Variants in QTMAN observed in about 807,000 individuals in gnomAD.
QTMAN encodes queuosine-tRNA mannosyltransferase, also known as tRNA-queuosine alpha-mannosyltransferase.
the QTMAN span, among the ~76,000 whole-genome samples, chr2:144,302,143 G>A: frequency 3.3e-5 from 5 of 151,660 alleles, no homozygotes; most frequent in African/African-American, 1.2e-4. Context: ...CCACACTTAG[G>A]GCATACAGAA....
At chr2:144,051,251 C>T in the QTMAN span, among the ~76,000 whole-genome samples, 1 of 151,868 alleles carries the variant, frequency 6.6e-6, no homozygotes, top group Admixed American at 6.6e-5. Context: ...AGCTTTGTAG[C>T]CAGGTGTGTT....
the QTMAN span, chr2:144,178,923 T>G: frequency 4.3e-6 from 2 of 466,436 alleles, no homozygotes; most frequent in South Asian, 3.1e-5. Flanking sequence ...CATTCCATTC[T>G]CATCTCTCCT....
the QTMAN span, among the ~76,000 whole-genome samples, chr2:144,261,639 T>C: frequency 6.6e-6 from 1 of 152,224 alleles, no homozygotes; most frequent in Non-Finnish European, 1.5e-5. Context: ...AAAAGTGTAG[T>C]ATTTATACAG....
the QTMAN span, among the ~76,000 whole-genome samples, chr2:144,274,108 T>G: frequency 6.6e-6 from 1 of 152,088 alleles, no homozygotes; most frequent in Non-Finnish European, 1.5e-5. Context: ...CACTCCAGCC[T>G]GGCAACACAG....
At chr2:143,978,898 G>A in the QTMAN span, among the ~76,000 whole-genome samples, 4 of 152,168 alleles carry the variant, frequency 2.6e-5, no homozygotes, top group South Asian at 2.1e-4. Context: ...CATTCAAAAC[G>A]CTTACTAGTT....
At chr2:144,259,874 G>C in the QTMAN span, among the ~76,000 whole-genome samples, 1 of 152,100 alleles carries the variant, frequency 6.6e-6, no homozygotes, top group South Asian at 2.1e-4. Context: ...CATTATAAAA[G>C]AGTAGTTAGT....
At chr2:144,205,098 C>A in the QTMAN span, among the ~76,000 whole-genome samples, 1 of 152,000 alleles carries the variant, frequency 6.6e-6, no homozygotes, top group Non-Finnish European at 1.5e-5. Context: ...ACATATGTAA[C>A]AAACCTGCAC....
chr2:144,025,192 T>TATATAAC, the QTMAN span, among the ~76,000 whole-genome samples: 2 of 152,040 alleles, frequency 1.3e-5, no homozygotes, highest in Admixed American at 1.3e-4. Flanking sequence ...AAGAAAAGGG[T>TATATAAC]AGAGACTGGG....
the QTMAN span, among the ~76,000 whole-genome samples, chr2:143,970,179 C>G: frequency 6.6e-6 from 1 of 152,130 alleles, no homozygotes. Flanking sequence ...GTTCAATAAA[C>G]AAGGCATGGA....
At chr2:144,107,263 G>A in the QTMAN span, among the ~76,000 whole-genome samples, 1 of 152,166 alleles carries the variant, frequency 6.6e-6, no homozygotes, top group Admixed American at 6.5e-5. Context: ...GATCAGAGCA[G>A]AACTGAAGGA....
At chr2:144,168,350 G>T in the QTMAN span, among the ~76,000 whole-genome samples, 11 of 152,100 alleles carry the variant, frequency 7.2e-5, no homozygotes, top group Admixed American at 5.2e-4. Flanking sequence ...CTAGAGAATT[G>T]GGAGCTATAG....
the QTMAN span, among the ~76,000 whole-genome samples, chr2:144,283,242 T>C: frequency 5.3e-5 from 8 of 152,294 alleles, no homozygotes; most frequent in African/African-American, 1.7e-4. Flanking sequence ...GACAATCTTG[T>C]GGGATCAAGC....
At chr2:144,240,722 A>G in the QTMAN span, among the ~76,000 whole-genome samples, 1 of 152,232 alleles carries the variant, frequency 6.6e-6, no homozygotes, top group Non-Finnish European at 1.5e-5. Context: ...GAGAAATGCA[A>G]ACAGTCCACA....
At chr2:144,015,951 C>T in the QTMAN span, among the ~76,000 whole-genome samples, 3 of 152,148 alleles carry the variant, frequency 2.0e-5, no homozygotes, top group Non-Finnish European at 2.9e-5. Context: ...AAAAGGAGAA[C>T]ATGTGTCGGG....
the QTMAN span, among the ~76,000 whole-genome samples, chr2:143,989,235 TTAATG>T: frequency 6.6e-6 from 1 of 151,808 alleles, no homozygotes; most frequent in South Asian, 2.1e-4. Flanking sequence ...TATAAAAATT[TTAATG>T]TAATATAATT....
At chr2:144,095,861 C>T in the QTMAN span, among the ~76,000 whole-genome samples, 1 of 152,130 alleles carries the variant, frequency 6.6e-6, no homozygotes, top group Non-Finnish European at 1.5e-5. Flanking sequence ...TTTGCCTACT[C>T]TGATATTTTT....
the QTMAN span, among the ~76,000 whole-genome samples, chr2:144,222,365 CAA>C: frequency 6.6e-6 from 1 of 151,498 alleles, no homozygotes; most frequent in East Asian, 2.0e-4. Flanking sequence ...AACCTAAACT[CAA>C]AGTTTTAAAC....
At chr2:143,940,793 T>A in the QTMAN span, 1 of 152,214 alleles carries the variant, frequency 6.6e-6, no homozygotes, top group African/African-American at 2.4e-5. Context: ...TATACACACA[T>A]GGGTGAGCAG....
chr2:144,161,572 C>A, the QTMAN span, among the ~76,000 whole-genome samples: 1 of 151,874 alleles, frequency 6.6e-6, no homozygotes, highest in Non-Finnish European at 1.5e-5. Context: ...TTGAAAAAAA[C>A]GAAAGAATGA....
Sources: allele counts gnomAD v4.1 joint callset (sites outside exome capture counted in the v4.1 genomes callset), GRCh38; gene constraint gnomAD v4.1.1; transcripts MANE v1.5; gene names NCBI Gene and HGNC (gene_info 2026-07-23, HGNC 2026-07-21).